Variants in PATE4 observed in about 807,000 individuals in gnomAD.
PATE4 encodes prostate and testis expressed 4, also known as prostate and testis expressed protein 4.
Under a neutral mutation model 8.5 loss-of-function variants are expected in PATE4, and 13 were observed. The observed-to-expected ratio is 1.53, with a 90% CI of 1.00 to 2.43. PATE4 has a LOEUF of 2.43. PATE4 is among the 30% of genes most tolerant of loss of function. The pLI is 0.00. For synonymous variants in PATE4, 47 were observed against 39.3 expected, an observed-to-expected ratio of 1.20 and a Z score of -0.73; for missense variants, 127 against 115.5, an observed-to-expected ratio of 1.10 and a Z score of -0.46.
At chr11:125,833,452 T>A in intron 1 of PATE4, 35 bp downstream of exon 1, 5 of 1,526,852 alleles carry the variant, frequency 3.3e-6, no homozygotes, top group Non-Finnish European at 4.4e-6. Flanking sequence ...GGGAGGCAAC[T>A]TAGGGGTGCT....
chr11:125,838,022 A>AGAGTGATGGTTCTTTGC, intron 2 of PATE4, 38 bp downstream of exon 2: 1 of 1,434,414 alleles, frequency 7.0e-7, no homozygotes, highest in Non-Finnish European at 9.6e-7. Context: ...ATTGCCTGCA[A>AGAGTGATGGTTCTTTGC]AGAACCATCA....
intron 1 of PATE4, chr11:125,835,666 T>C (rs1266571474): frequency 6.6e-6 from 1 of 152,118 alleles, no homozygotes; most frequent in Non-Finnish European, 1.5e-5. Context: ...GAAAATGAGT[T>C]CTCCTGGCTC....
chr11:125,838,106 G>C, intron 2 of PATE4, 122 bp downstream of exon 2: 10 of 1,002,332 alleles, frequency 1.0e-5, no homozygotes, highest in Non-Finnish European at 1.5e-5. Context: ...GAATAAAAGA[G>C]GGGGCAAGAA....
rs1255258112 is a variant in PATE4 at position 125,839,876 on chromosome 11, C to T, written c.*1449C>T. ...GGGGACACAGCCAAACCATATCAGT[C>T]CCCTTCTTAAAACTCTCCTCTCTAG... is the stretch of plus-strand genomic sequence containing the variant. On this transcript the variant is annotated 3_prime_UTR_variant, in exon 3 of 3. Transcript: ENST00000457514. The T allele has an allele frequency of 6.6e-6, 1 of 152,174 alleles. No individual in the cohort carries two copies. Among genetic ancestry groups the T allele is most frequent in the Non-Finnish European group, 1.5e-5 (1 of 68,032 alleles). 9.4% of individuals were successfully genotyped at this position (152,174 alleles called of 1,614,324 possible). A position where few individuals can be genotyped will look rare whatever the true frequency, so the allele number is the denominator to read the frequency against.
rs192734219 is a variant in PATE4 at position 125,839,679 on chromosome 11, C to T, written c.*1252C>T. ...GTAAAAGGCATGTCTCACATAGTGA[C>T]AGACAAGAGAAGAGAGATTGTGCAG... On this transcript the variant is annotated 3_prime_UTR_variant, in exon 3 of 3. Coordinates refer to ENST00000457514, the MANE Select transcript of PATE4 (RefSeq NM_001144874.1). 1.0e-4 allele frequency: 16 copies of T among 152,434 alleles called. 1 individual carries two copies. Among genetic ancestry groups the T allele is most frequent in the Admixed American group, 3.3e-4 (5 of 15,304 alleles). The allele number at this position is 152,434 out of a possible 1,614,324, so 9.4% of individuals were successfully genotyped here. A position where few individuals can be genotyped will look rare whatever the true frequency, so the allele number is the denominator to read the frequency against.
In PATE4 at chr11:125,839,572, G is replaced by A. The variant is rs936540849; in HGVS notation, c.*1145G>A. 4 of 152,410 alleles carry A rather than the reference G, an allele frequency of 2.6e-5. No individual in the cohort carries two copies. The highest frequency in any genetic ancestry group is 1.3e-4 in the Admixed American group (2 of 15,276). 9.4% of individuals were successfully genotyped at this position (152,410 alleles called of 1,614,324 possible). A position where few individuals can be genotyped will look rare whatever the true frequency, so the allele number is the denominator to read the frequency against. On this transcript the variant is annotated 3_prime_UTR_variant, in exon 3 of 3. Transcript: ENST00000457514. Reference sequence around the variant, plus strand: ...ATGCTGCTGATAAGGACATACCCACGACTGGGCAATTTACGAAAGAAAGGG... The same window carrying A: ...ATGCTGCTGATAAGGACATACCCACAACTGGGCAATTTACGAAAGAAAGGG...
At chr11:125,836,817 G>A (rs1943923241) in intron 1 of PATE4, among the ~76,000 whole-genome samples, 1 of 152,124 alleles carries the variant, frequency 6.6e-6, no homozygotes, top group South Asian at 2.1e-4. Context: ...TGTGGAACAT[G>A]CTCAAAACCC....
At chr11:125,838,128 C>T in intron 2 of PATE4, 144 bp downstream of exon 2, 1 of 1,003,814 alleles carries the variant, frequency 1.0e-6, no homozygotes, top group Non-Finnish European at 1.4e-6. Context: ...GGATAATTTC[C>T]AACTTCACAC....
rs1943944636 is a variant in PATE4, at chr11:125,839,475, T to A, written c.*1048T>A. 6.6e-6 allele frequency: 1 copy of A among 152,274 alleles called. No homozygotes were observed. The highest frequency in any genetic ancestry group is 1.5e-5 in the Non-Finnish European group (1 of 68,076). 9.4% of individuals were successfully genotyped at this position (152,274 alleles called of 1,614,324 possible). A position where few individuals can be genotyped will look rare whatever the true frequency, so the allele number is the denominator to read the frequency against. Reference sequence around the variant, plus strand: ...CATGATGTCCTAATAGCTCAATTTATCAGTTCCTCATTAGCTTGTGTACTC... The same window carrying A: ...CATGATGTCCTAATAGCTCAATTTAACAGTTCCTCATTAGCTTGTGTACTC... On this transcript the variant is annotated 3_prime_UTR_variant, in exon 3 of 3. Transcript: ENST00000457514.
chr11:125,835,367 G>C (rs989847893), intron 1 of PATE4: 1 of 152,182 alleles, frequency 6.6e-6, no homozygotes, highest in African/African-American at 2.4e-5. Flanking sequence ...CAGCTGAGTT[G>C]CATTACATAC....
intron 1 of PATE4, among the ~76,000 whole-genome samples, chr11:125,833,993 C>A (rs1196516960): frequency 6.6e-6 from 1 of 152,182 alleles, no homozygotes; most frequent in Non-Finnish European, 1.5e-5. Context: ...TCCCTTAACA[C>A]TCACTAAAAA....
At chr11:125,834,700 T>C (rs920400449) in intron 1 of PATE4, among the ~76,000 whole-genome samples, 1 of 152,206 alleles carries the variant, frequency 6.6e-6, no homozygotes, top group Non-Finnish European at 1.5e-5. Context: ...ATAGATATAC[T>C]CCCACACAAA....
At chr11:125,834,249 A>G (rs577632786) in intron 1 of PATE4, among the ~76,000 whole-genome samples, 25 of 152,312 alleles carry the variant, frequency 1.6e-4, no homozygotes, top group Admixed American at 1.2e-3. Context: ...GAATATCAAA[A>G]TATTCCTCAT....
intron 1 of PATE4, chr11:125,836,024 C>T (rs1006185130): frequency 6.6e-6 from 1 of 151,852 alleles, no homozygotes; most frequent in Non-Finnish European, 1.5e-5. Context: ...TGGTGAGAAA[C>T]GTGGGCTTTT....
chr11:125,838,056 G>A (rs1943932987), intron 2 of PATE4, 72 bp downstream of exon 2: 3 of 1,227,652 alleles, frequency 2.4e-6, no homozygotes, highest in Non-Finnish European at 3.5e-6. Context: ...CTGGAATAAA[G>A]AACTCGATAT....
chr11:125,837,814 CT>C, intron 1 of PATE4, 53 bp from the exon 2 acceptor site: 1 of 1,354,214 alleles, frequency 7.4e-7, no homozygotes, highest in African/African-American at 1.4e-5. Context: ...TGAAAACTCA[CT>C]TTTCCATTGT....
rs1943946763 is a variant in PATE4 at position 125,839,677 on chromosome 11, G to A, written c.*1250G>A. The A allele has an allele frequency of 1.3e-5, 2 of 152,276 alleles. No individual in the cohort carries two copies. Among genetic ancestry groups the A allele is most frequent in the Admixed American group, 6.5e-5 (1 of 15,282 alleles). 9.4% of individuals were successfully genotyped at this position (152,276 alleles called of 1,614,324 possible). On this transcript the variant is annotated 3_prime_UTR_variant, in exon 3 of 3. Coordinates refer to ENST00000457514, the MANE Select transcript of PATE4 (RefSeq NM_001144874.1). The stretch of plus-strand genomic sequence containing the variant: ...AGGTAAAAGGCATGTCTCACATAGT[G>A]ACAGACAAGAGAAGAGAGATTGTGC...
chr11:125,837,769 G>C, intron 1 of PATE4, 99 bp from the exon 2 acceptor site: 1 of 734,792 alleles, frequency 1.4e-6, no homozygotes, highest in South Asian at 1.9e-5. Flanking sequence ...GGAGTGAGTG[G>C]ACAGTATCGT....
Position 125,839,435 on chromosome 11 carries a change from T to A in PATE4, c.*1008T>A, listed in dbSNP as rs1387296286. 1 of 152,222 alleles carries A rather than the reference T, an allele frequency of 6.6e-6. No individual in the cohort carries two copies. Among genetic ancestry groups the A allele is most frequent in the Non-Finnish European group, 1.5e-5 (1 of 68,050 alleles). The allele number at this position is 152,222 out of a possible 1,614,324, so 9.4% of individuals were successfully genotyped here. A position where few individuals can be genotyped will look rare whatever the true frequency, so the allele number is the denominator to read the frequency against. ...TGTGGTAAATGGTGCCTTGCTATGTTCTGAAGCAATCAAACATGATGTCCT... is the reference window on the plus strand; with the variant it reads ...TGTGGTAAATGGTGCCTTGCTATGTACTGAAGCAATCAAACATGATGTCCT... On this transcript the variant is annotated 3_prime_UTR_variant, in exon 3 of 3. Coordinates refer to ENST00000457514, the MANE Select transcript of PATE4 (RefSeq NM_001144874.1).
Sources: gnomAD v4.1 joint callset for allele counts (sites outside exome capture counted in the v4.1 genomes callset) on GRCh38, gnomAD v4.1.1 for gene constraint, MANE v1.5 for transcripts, NCBI Gene and HGNC (gene_info 2026-07-23, HGNC 2026-07-21) for gene names.